Variants in ERC1 observed in about 807,000 individuals in gnomAD.
ERC1 encodes the protein ELKS/RAB6-interacting/CAST family member 1, also known as RAB6 interacting protein 2.
Under a neutral mutation model 132.0 loss-of-function variants are expected in ERC1, and 56 were observed. The observed-to-expected ratio is 0.42, with a 90% CI of 0.34 to 0.53. ERC1 has a LOEUF of 0.53. ERC1 is among the 20% of genes least tolerant of loss of function. ERC1 has a pLI of 0.03. For synonymous variants in ERC1, 478 were observed against 476.1 expected, an observed-to-expected ratio of 1.00 and a Z score of -0.05; for missense variants, 1,202 against 1,349.9, an observed-to-expected ratio of 0.89 and a Z score of 1.72.
chr12:1,183,458 T>A, intron 11 of ERC1, 37 bp downstream of exon 11: 1 of 1,492,366 alleles, frequency 6.7e-7, no homozygotes, highest in Non-Finnish European at 9.2e-7. Context: ...TGCTTTGCCT[T>A]AAATAAGAAC....
chr12:1,183,233 CTAT>C (rs772649947), intron 10 of ERC1, 45 bp from the exon 11 acceptor site: 1 of 1,336,304 alleles, frequency 7.5e-7, no homozygotes, highest in Non-Finnish European at 1.0e-6. Flanking sequence ...ATTTAAACCT[CTAT>C]TTTTTTTAAA....
At chr12:1,098,586 C>T (rs1023429094) in intron 3 of ERC1, among the ~76,000 whole-genome samples, 2 of 152,206 alleles carry the variant, frequency 1.3e-5, no homozygotes, top group African/African-American at 2.4e-5. Context: ...ATGGCAGTGC[C>T]ATTTAATGAG....
At chr12:1,320,832 G>T (rs1369710917) in intron 15 of ERC1, among the ~76,000 whole-genome samples, 6 of 152,110 alleles carry the variant, frequency 3.9e-5, no homozygotes, top group African/African-American at 1.4e-4. Flanking sequence ...CTCCCGAGTA[G>T]CTGGGACTAC....
At chr12:1,434,589 G>A (rs1002379999) in intron 17 of ERC1, among the ~76,000 whole-genome samples, 3 of 152,140 alleles carry the variant, frequency 2.0e-5, no homozygotes, top group Non-Finnish European at 4.4e-5. Flanking sequence ...CTTCCCAGTG[G>A]GGCTGCCCCC....
intron 11 of ERC1, among the ~76,000 whole-genome samples, chr12:1,185,481 C>T (rs1443869891): frequency 6.8e-6 from 1 of 146,754 alleles, no homozygotes; most frequent in Non-Finnish European, 1.5e-5. Flanking sequence ...GATTATCTTA[C>T]TCTTAAAACC....
In ERC1 at chr12:1,141,030, A is replaced by G. The variant is rs1046000541; in HGVS notation, c.1570-590A>G. 4.6e-5 allele frequency among the ~76,000 whole-genome samples: 7 copies of G among 152,322 alleles called. 1 individual carries two copies. The South Asian group carries it at 1.2e-3, about 27-fold the overall frequency. On this transcript the variant is annotated intron_variant, in intron 7 of 18. Coordinates refer to ENST00000360905, the MANE Select transcript of ERC1 (RefSeq NM_178040.4). The stretch of plus-strand genomic sequence containing the variant: ...TCTCTGAATGGATTTTAAAATAAGT[A>G]TCATTAGATTTCTTGTTATTTTAAA...
At chr12:1,067,550 C>T (rs1939445076) in intron 2 of ERC1, among the ~76,000 whole-genome samples, 4 of 152,090 alleles carry the variant, frequency 2.6e-5, no homozygotes, top group Non-Finnish European at 5.9e-5. Context: ...GATCTCTGAG[C>T]GCAGGAAAAA....
At chr12:1,042,812 A>T (rs957607185) in intron 2 of ERC1, among the ~76,000 whole-genome samples, 1 of 152,080 alleles carries the variant, frequency 6.6e-6, no homozygotes, top group African/African-American at 2.4e-5. Context: ...ATTATCTTTC[A>T]TGGATTTGAT....
intron 6 of ERC1, among the ~76,000 whole-genome samples, chr12:1,113,563 A>T (rs1156342406): frequency 6.6e-6 from 1 of 152,228 alleles, no homozygotes; most frequent in African/African-American, 2.4e-5. Flanking sequence ...GCATTTAAAA[A>T]ACCAAACTTG....
intron 15 of ERC1, among the ~76,000 whole-genome samples, chr12:1,349,782 C>T (rs1227545339): frequency 1.3e-5 from 2 of 152,056 alleles, no homozygotes; most frequent in African/African-American, 4.8e-5. Context: ...ATACTTAGAC[C>T]TTAAAAAACT....
chr12:1,034,667 A>C (rs1369794541), intron 2 of ERC1, among the ~76,000 whole-genome samples: 1 of 152,142 alleles, frequency 6.6e-6, no homozygotes, highest in African/African-American at 2.4e-5. Context: ...TATGCCCCTC[A>C]CTAAGATAGT....
intron 2 of ERC1, among the ~76,000 whole-genome samples, chr12:1,062,252 G>T (rs574086347): frequency 3.3e-5 from 5 of 152,174 alleles, no homozygotes; most frequent in Admixed American, 3.3e-4. Context: ...GAAGTGCTGG[G>T]ATTACAGGTG....
intron 15 of ERC1, among the ~76,000 whole-genome samples, chr12:1,333,611 G>A (rs1160059166): frequency 1.3e-5 from 2 of 152,054 alleles, no homozygotes; most frequent in African/African-American, 4.8e-5. Flanking sequence ...GATTACAGGC[G>A]TGAGCCACCG....
intron 17 of ERC1, among the ~76,000 whole-genome samples, chr12:1,415,004 A>G (rs984728939): frequency 2.0e-5 from 3 of 152,248 alleles, no homozygotes; most frequent in Non-Finnish European, 2.9e-5. Flanking sequence ...GATAAGAAAG[A>G]TGAATGGAAA....
rs1041044746 is a variant in ERC1, at chr12:1,492,376, G to A, written c.*2146G>A. 4 of 233,134 alleles carry A rather than the reference G, an allele frequency of 1.7e-5. No homozygotes were observed. Among genetic ancestry groups the A allele is most frequent in the African/African-American group, 6.6e-5 (3 of 45,346 alleles). The allele number at this position is 233,134 out of a possible 1,614,324, so 14.4% of individuals were successfully genotyped here. ...ATCCACCATAACGTAAAGAACTGCG[G>A]TGTGATAACAGCCTTCACGGGGCCA... On this transcript the variant is annotated 3_prime_UTR_variant, in exon 19 of 19. Coordinates refer to ENST00000360905, the MANE Select transcript of ERC1 (RefSeq NM_178040.4).
chr12:1,447,644 GT>G (rs2154414103), intron 18 of ERC1, among the ~76,000 whole-genome samples: 1 of 150,824 alleles, frequency 6.6e-6, no homozygotes, highest in African/African-American at 2.4e-5. Flanking sequence ...TTTTGTTTTT[GT>G]TTTTGTTTTT....
At chr12:1,387,488 T>C (rs1360580601) in intron 16 of ERC1, among the ~76,000 whole-genome samples, 1 of 152,220 alleles carries the variant, frequency 6.6e-6, no homozygotes, top group East Asian at 1.9e-4. Flanking sequence ...AAAGGGTCTT[T>C]GCAGATGGGA....
intron 2 of ERC1, among the ~76,000 whole-genome samples, chr12:1,078,626 T>TA (rs35761361): frequency 0.23 from 34,512 of 152,032 alleles, 4,338 homozygotes; most frequent in Middle Eastern, 0.27. Flanking sequence ...TAAACAATGT[T>TA]AAAAGAAAAA....
chr12:1,311,378 G>T (rs1284888779), intron 15 of ERC1, among the ~76,000 whole-genome samples: 1 of 152,196 alleles, frequency 6.6e-6, no homozygotes, highest in Non-Finnish European at 1.5e-5. Context: ...AGAGGTATGA[G>T]ATCAGCCTTA....
Sources: gnomAD v4.1 joint callset for allele counts (sites outside exome capture counted in the v4.1 genomes callset) on GRCh38, gnomAD v4.1.1 for gene constraint, MANE v1.5 for transcripts, NCBI Gene and HGNC (gene_info 2026-07-23, HGNC 2026-07-21) for gene names.